PLCH1: variants seen among roughly 807,000 people sequenced by gnomAD.
PLCH1 encodes 1-phosphatidylinositol 4,5-bisphosphate phosphodiesterase eta-1.
A neutral mutation model predicts 126.7 loss-of-function variants in PLCH1; 60 were observed. That is an observed-to-expected ratio of 0.47 (90% CI 0.38 to 0.59). PLCH1 has a LOEUF of 0.59. Ranked by LOEUF, PLCH1 falls within the 20% of genes least tolerant of loss-of-function variation. The pLI is 0.00. For synonymous variants in PLCH1, 719 were observed against 734.9 expected (o/e 0.98, Z 0.35); for missense variants, 1,723 against 2,040.0 (o/e 0.84, Z 2.99).
chr3:155,476,254 T>C (rs184996331), downstream of PLCH1, among the ~76,000 whole-genome samples: 59 of 152,054 alleles, frequency 3.9e-4, no homozygotes, highest in Non-Finnish European at 7.2e-4. Context: ...AAATTTAACA[T>C]CCCTTTATGA....
At chr3:155,555,306 G>A (rs1726681180) in intron 8 of PLCH1, among the ~76,000 whole-genome samples, 1 of 152,192 alleles carries the variant, frequency 6.6e-6, no homozygotes, top group Non-Finnish European at 1.5e-5. Flanking sequence ...TCCTTTGCAG[G>A]AGGATGTGGC....
At chr3:155,537,364 A>G (rs1344908745) in intron 10 of PLCH1, among the ~76,000 whole-genome samples, 1 of 152,112 alleles carries the variant, frequency 6.6e-6, no homozygotes, top group Non-Finnish European at 1.5e-5. Flanking sequence ...GGCAAAAAAA[A>G]CTAGCAAAAT....
At chr3:155,614,934 G>A (rs1297782008) in intron 2 of PLCH1, among the ~76,000 whole-genome samples, 1 of 151,976 alleles carries the variant, frequency 6.6e-6, no homozygotes, top group African/African-American at 2.4e-5. Flanking sequence ...ATAAATAGAT[G>A]GGACCTAACT....
chr3:155,468,379 C>G (rs1489998330), intron 21 of PLCH1, among the ~76,000 whole-genome samples: 1 of 152,060 alleles, frequency 6.6e-6, no homozygotes, highest in East Asian at 1.9e-4. Flanking sequence ...AAACGAACAA[C>G]AAAATGGGAG....
chr3:155,611,599 C>G (rs1735103165), intron 2 of PLCH1, among the ~76,000 whole-genome samples: 1 of 152,122 alleles, frequency 6.6e-6, no homozygotes, highest in Non-Finnish European at 1.5e-5. Flanking sequence ...ACTGACAGCA[C>G]TAGACAGGTC....
intron 8 of PLCH1, among the ~76,000 whole-genome samples, chr3:155,562,524 TC>T (rs1727770660): frequency 6.6e-6 from 1 of 152,178 alleles, no homozygotes; most frequent in South Asian, 2.1e-4. Flanking sequence ...CCATAATCTG[TC>T]TTCACTACTT....
chr3:155,568,032 A>G (rs1019410027), intron 7 of PLCH1, among the ~76,000 whole-genome samples, 199 bp downstream of exon 7: 2 of 152,228 alleles, frequency 1.3e-5, no homozygotes, highest in African/African-American at 4.8e-5. Context: ...GCTTATGGGC[A>G]TTGCAAAAGT....
chr3:155,545,173 C>A (rs1312514853), intron 10 of PLCH1, among the ~76,000 whole-genome samples: 22 of 151,738 alleles, frequency 1.4e-4, no homozygotes, highest in African/African-American at 5.3e-4. Flanking sequence ...AGAGAAGAAT[C>A]AAATAGACGC....
At chr3:155,620,670 C>T (rs915184467) in intron 2 of PLCH1, among the ~76,000 whole-genome samples, 6 of 152,124 alleles carry the variant, frequency 3.9e-5, no homozygotes, top group African/African-American at 9.7e-5. Context: ...GATGACCCAC[C>T]GCAGCTCAGC....
chr3:155,613,843 T>C (rs2108743676), intron 2 of PLCH1, among the ~76,000 whole-genome samples: 1 of 152,164 alleles, frequency 6.6e-6, no homozygotes, highest in Non-Finnish European at 1.5e-5. Flanking sequence ...TCCAAATCCG[T>C]AAAGAGGAAG....
chr3:155,524,069 G>A (rs1476175309), intron 10 of PLCH1, 65 bp from the exon 11 acceptor site: 1 of 939,768 alleles, frequency 1.1e-6, no homozygotes, highest in African/African-American at 1.6e-5. Context: ...AAAGGTGGAA[G>A]TAACCCAAGC....
chr3:155,475,068 A>T (rs943675672), downstream of PLCH1, among the ~76,000 whole-genome samples: 52 of 150,914 alleles, frequency 3.4e-4, no homozygotes, highest in Middle Eastern at 3.2e-3. Flanking sequence ...CCTAAAACTT[A>T]AAGTATTAAA....
In PLCH1 at chr3:155,494,577, A is replaced by G. The variant is rs1716740621; in HGVS notation, c.1895-60T>C. Reference sequence around the variant, plus strand: ...AACTACAGCAAAGAAAACACCACGCACAGAAGACTTTATAATAATGTCAGA... The same window carrying G: ...AACTACAGCAAAGAAAACACCACGCGCAGAAGACTTTATAATAATGTCAGA... On this transcript the variant is annotated intron_variant, in intron 15 of 22. Transcript: ENST00000460012. 11 of 1,315,522 alleles carry G rather than the reference A, an allele frequency of 8.4e-6. No homozygotes were observed. In the South Asian group the frequency reaches 1.1e-4, roughly 13 times the overall value. 81.5% of individuals were successfully genotyped at this position (1,315,522 alleles called of 1,614,324 possible). A position where few individuals can be genotyped will look rare whatever the true frequency, so the allele number is the denominator to read the frequency against.
intron 10 of PLCH1, among the ~76,000 whole-genome samples, chr3:155,534,457 C>T (rs757838048): frequency 5.9e-5 from 9 of 152,142 alleles, no homozygotes; most frequent in Non-Finnish European, 1.2e-4. Flanking sequence ...TTTGAAGTAA[C>T]GAACTTGCTT....
rs185755579 is a variant in PLCH1, at chr3:155,623,987, T to C, written c.80-27609A>G. ...GGCCCATATCCCTGATGAACATTGA[T>C]GCGAACACCTTCAATAAAATACTGG... On this transcript the variant is annotated intron_variant, in intron 2 of 22. Transcript: ENST00000460012. Among the ~76,000 whole-genome samples the C allele has an allele frequency of 5.9e-5, 9 of 152,296 alleles. No homozygotes were observed. In the East Asian group the frequency reaches 1.7e-3, roughly 29 times the overall value.
chr3:155,543,999 C>T (rs1724806402), intron 10 of PLCH1, among the ~76,000 whole-genome samples: 1 of 151,460 alleles, frequency 6.6e-6, no homozygotes, highest in Non-Finnish European at 1.5e-5. Flanking sequence ...AAATAACCAG[C>T]TAACATCATA....
At chr3:155,693,471 CAAAAAAAAAAAA>C (rs1227159940) in intron 2 of PLCH1, among the ~76,000 whole-genome samples, 1 of 10,354 alleles carries the variant, frequency 9.7e-5, no homozygotes, top group Non-Finnish European at 1.3e-4. Flanking sequence ...GACTCCGTCT[CAAAAAAAAAAAA>C]AAAAAAAAAA....
At chr3:155,666,081 C>T (rs547466950) in intron 2 of PLCH1, among the ~76,000 whole-genome samples, 8 of 152,162 alleles carry the variant, frequency 5.3e-5, no homozygotes, top group Non-Finnish European at 8.8e-5. Flanking sequence ...ATTTAGGTTG[C>T]TCCCTTTTTC....
chr3:155,544,407 A>G (rs556970343), intron 10 of PLCH1, among the ~76,000 whole-genome samples: 1 of 152,318 alleles, frequency 6.6e-6, no homozygotes, highest in South Asian at 2.1e-4. Context: ...GTGACCTACA[A>G]AGAGACTTAG....
Sources: gnomAD v4.1 joint callset for allele counts (sites outside exome capture counted in the v4.1 genomes callset) on GRCh38, gnomAD v4.1.1 for gene constraint, MANE v1.5 for transcripts, NCBI Gene and HGNC (gene_info 2026-07-23, HGNC 2026-07-21) for gene names.